Variants in STT3B observed in about 807,000 individuals in gnomAD.
STT3B encodes the protein STT3 oligosaccharyltransferase complex catalytic subunit B.
STT3B carries 29 observed loss-of-function variants against 96.8 expected under a neutral mutation model. The ratio of observed to expected loss-of-function variants is 0.30; its 90% CI spans 0.22 to 0.41. The LOEUF is 0.41. STT3B is among the 10% of genes least tolerant of loss of function. STT3B has a pLI of 1.00. For synonymous variants in STT3B, 367 were observed against 360.0 expected (o/e 1.02, Z -0.22); for missense variants, 640 against 1,022.3 (o/e 0.63, Z 5.10).
At chr3:31,583,955 CT>C (rs1460203636) in intron 3 of STT3B, among the ~76,000 whole-genome samples, 1 of 151,958 alleles carries the variant, frequency 6.6e-6, no homozygotes, top group African/African-American at 2.4e-5. Flanking sequence ...GTTGTTGTTG[CT>C]TGTGCTTTTA....
At position 31,580,004 on chromosome 3, in the gene STT3B, AT is replaced by A; in HGVS notation, c.621del (p.Ile207MetfsTer10). The A allele has an allele frequency of 6.2e-7, 1 of 1,613,792 alleles. No homozygotes were observed. Among genetic ancestry groups the A allele is most frequent in the Non-Finnish European group, 8.5e-7 (1 of 1,179,788 alleles). On this transcript the variant is annotated frameshift_variant, in exon 3 of 16. Transcript: ENST00000295770. LOFTEE classifies it high-confidence loss of function. ...AGLLAACFIA[I>X]VPGYISRSVA... The stretch of plus-strand genomic sequence containing the variant: ...ACTTTTAGCTGCTTGTTTTATTGCT[AT>A]TGTACCAGGCTACATATCTCGGTCA...
chr3:31,593,808 TA>T lies in STT3B; in HGVS notation c.712-2988del, dbSNP rs1156357465. ...TCATTATATTTTTCTTTAATTTTCT[TA>T]ATATAGTATTCTTTAATTCCTTGAA... On this transcript the variant is annotated intron_variant, in intron 3 of 15. Coordinates refer to ENST00000295770, the MANE Select transcript of STT3B (RefSeq NM_178862.3). Among the ~76,000 whole-genome samples, 19 of 152,326 alleles carry T rather than the reference TA, an allele frequency of 1.2e-4. No individual in the cohort carries two copies. In the East Asian group the frequency reaches 3.5e-3, roughly 28 times the overall value.
rs570664993 is a variant in STT3B, at chr3:31,629,511, T to C, written c.2187+100T>C. 1.3e-5 allele frequency: 8 copies of C among 605,582 alleles called. No homozygotes were observed. The African/African-American group carries it at 1.5e-4, about 12-fold the overall frequency. 37.5% of individuals were successfully genotyped at this position (605,582 alleles called of 1,614,324 possible). A position where few individuals can be genotyped will look rare whatever the true frequency, so the allele number is the denominator to read the frequency against. ...CAGGATAATGATATTTTGATTGTGCTGAAGAGAAATGTGCTTATCTAAATA... is the reference window on the plus strand; with the variant it reads ...CAGGATAATGATATTTTGATTGTGCCGAAGAGAAATGTGCTTATCTAAATA... On this transcript the variant is annotated intron_variant, in intron 14 of 15. Transcript: ENST00000295770.
chr3:31,570,655 C>A (rs915972788), intron 1 of STT3B, among the ~76,000 whole-genome samples: 1 of 152,002 alleles, frequency 6.6e-6, no homozygotes, highest in Admixed American at 6.6e-5. Flanking sequence ...ATCCAAGTAC[C>A]TTTTTTTAAA....
intron 1 of STT3B, among the ~76,000 whole-genome samples, chr3:31,555,028 C>G (rs1697669704): frequency 6.6e-6 from 1 of 152,092 alleles, no homozygotes; most frequent in Non-Finnish European, 1.5e-5. Context: ...ACTGACTGGC[C>G]TCTCTGCCTC....
intron 2 of STT3B, among the ~76,000 whole-genome samples, chr3:31,578,974 T>C (rs929539894): frequency 1.7e-4 from 26 of 152,018 alleles, no homozygotes; most frequent in African/African-American, 6.3e-4. Context: ...GTTTCTGTTA[T>C]GGAGTAAAAA....
In STT3B at chr3:31,633,108, C is replaced by A. The variant is rs200684933; in HGVS notation, c.2361C>A (p.Val787=). The change falls in exon 15 of 16, where the codon GTC becomes GTA. Residue 787 remains valine, a synonymous_variant. Coordinates refer to ENST00000295770, the MANE Select transcript of STT3B (RefSeq NM_178862.3). ...AGACATTAGATCACAAACCTCGAGTCACCAACATTTTCCCAAAACAGAAGT... is the reference window on the plus strand; with the variant it reads ...AGACATTAGATCACAAACCTCGAGTAACCAACATTTTCCCAAAACAGAAGT... The part of the protein sequence containing the change: ...NRETLDHKPR[V]TNIFPKQKYL... 22 of 1,613,944 alleles carry A rather than the reference C, an allele frequency of 1.4e-5. No homozygotes were observed. In the Admixed American group the frequency reaches 2.5e-4, roughly 18 times the overall value.
chr3:31,611,867 T>A (rs1699187559), intron 5 of STT3B, among the ~76,000 whole-genome samples: 1 of 152,200 alleles, frequency 6.6e-6, no homozygotes. Flanking sequence ...TAATTTCTTA[T>A]TTTCTATGTC....
At chr3:31,616,789 A>T in intron 6 of STT3B, 140 bp from the exon 7 acceptor site, 1 of 690,582 alleles carries the variant, frequency 1.4e-6, no homozygotes, top group Non-Finnish European at 2.2e-6. Flanking sequence ...GTCATTTGAC[A>T]AAGGAAATGT....
At chr3:31,541,423 C>T (rs1250025812) in intron 1 of STT3B, among the ~76,000 whole-genome samples, 3 of 148,640 alleles carry the variant, frequency 2.0e-5, no homozygotes, top group Non-Finnish European at 4.4e-5. Context: ...TATTTTTAAA[C>T]TTCAGATAAA....
At chr3:31,635,662 A>G (rs1699742589) in intron 15 of STT3B, among the ~76,000 whole-genome samples, 1 of 152,184 alleles carries the variant, frequency 6.6e-6, no homozygotes, top group South Asian at 2.1e-4. Flanking sequence ...TCCTTAGTCT[A>G]GTGTTACATA....
At chr3:31,624,819 C>T in intron 11 of STT3B, 95 bp from the exon 12 acceptor site, 1 of 925,116 alleles carries the variant, frequency 1.1e-6, no homozygotes, top group Non-Finnish European at 1.6e-6. Flanking sequence ...TCCTTAAAAT[C>T]TGAAAGTATT....
chr3:31,609,240 T>G (rs558190832), intron 5 of STT3B, among the ~76,000 whole-genome samples: 45 of 152,352 alleles, frequency 3.0e-4, no homozygotes, highest in African/African-American at 1.1e-3. Flanking sequence ...TGTTTTACTC[T>G]CTTCTTTATG....
intron 5 of STT3B, among the ~76,000 whole-genome samples, chr3:31,602,743 G>A (rs1698959371): frequency 7.0e-6 from 1 of 143,118 alleles, no homozygotes; most frequent in African/African-American, 2.6e-5. Context: ...AGTATTTTAA[G>A]AAGAAAGAAT....
At chr3:31,605,303 C>T (rs1575437072) in intron 5 of STT3B, among the ~76,000 whole-genome samples, 1 of 151,788 alleles carries the variant, frequency 6.6e-6, no homozygotes, top group South Asian at 2.1e-4. Context: ...TACAAAATAG[C>T]AATTAAAATA....
At chr3:31,560,634 G>C (rs186512597) in intron 1 of STT3B, among the ~76,000 whole-genome samples, 2 of 151,888 alleles carry the variant, frequency 1.3e-5, no homozygotes, top group Admixed American at 1.3e-4. Flanking sequence ...TCTTATGGGG[G>C]TTTCTTTATA....
chr3:31,598,427 T>G (rs1470446470), intron 4 of STT3B, among the ~76,000 whole-genome samples: 2 of 152,124 alleles, frequency 1.3e-5, no homozygotes, highest in Non-Finnish European at 2.9e-5. Flanking sequence ...CTTGGAAGTT[T>G]TGGTGAAAAA....
chr3:31,597,106 A>T (rs1698810159), intron 4 of STT3B, among the ~76,000 whole-genome samples: 1 of 152,076 alleles, frequency 6.6e-6, no homozygotes, highest in Non-Finnish European at 1.5e-5. Context: ...ACCACTTCAA[A>T]ATACTTAAAT....
At chr3:31,536,335 TATC>T (rs766499798) in intron 1 of STT3B, among the ~76,000 whole-genome samples, 2 of 152,240 alleles carry the variant, frequency 1.3e-5, no homozygotes, top group African/African-American at 2.4e-5. Context: ...ATCACCATCA[TATC>T]ATATAGCAAT....
Sources: gnomAD v4.1 joint callset for allele counts (sites outside exome capture counted in the v4.1 genomes callset) on GRCh38, gnomAD v4.1.1 for gene constraint, MANE v1.5 for transcripts, NCBI Gene and HGNC (gene_info 2026-07-23, HGNC 2026-07-21) for gene names.